Variants in EPM2A observed in about 807,000 individuals in gnomAD.
EPM2A encodes laforin.
EPM2A carries 21 observed loss-of-function variants against 26.5 expected under a neutral mutation model. The observed-to-expected ratio is 0.79, with a 90% CI of 0.56 to 1.14. The LOEUF is 1.14. EPM2A is among the 50% of genes most tolerant of loss of function. The pLI is 0.00. For synonymous variants in EPM2A, 217 were observed against 177.6 expected (o/e 1.22, Z -1.76); for missense variants, 458 against 440.8 (o/e 1.04, Z -0.35).
intron 4 of EPM2A, among the ~76,000 whole-genome samples, chr6:145,488,446 G>A (rs992113583): frequency 1.5e-4 from 22 of 151,506 alleles, no homozygotes; most frequent in Admixed American, 1.2e-3. Flanking sequence ...TCCTACCCAT[G>A]AGTATGGAAT....
chr6:145,719,715 A>T (rs56146116), intron 1 of EPM2A, among the ~76,000 whole-genome samples: 1 of 152,160 alleles, frequency 6.6e-6, no homozygotes, highest in Non-Finnish European at 1.5e-5. Context: ...CCCTCAACTA[A>T]AAATATCTCT....
At chr6:145,629,638 G>T (rs545734233) in intron 3 of EPM2A, 1 of 152,380 alleles carries the variant, frequency 6.6e-6, no homozygotes, top group South Asian at 2.1e-4. Flanking sequence ...GGGTATGAGG[G>T]GTTCACTCCA....
intron 2 of EPM2A, among the ~76,000 whole-genome samples, chr6:145,604,539 G>C (rs1461191346): frequency 6.6e-6 from 1 of 152,048 alleles, no homozygotes; most frequent in Non-Finnish European, 1.5e-5. Context: ...ACACAGAAAA[G>C]TATCTTGAAA....
intron 1 of EPM2A, among the ~76,000 whole-genome samples, chr6:145,692,026 T>C (rs1353471075): frequency 2.6e-5 from 4 of 151,972 alleles, no homozygotes; most frequent in Non-Finnish European, 4.4e-5. Flanking sequence ...AGTAAAAGCA[T>C]AGAAAAAGAT....
intron 1 of EPM2A, among the ~76,000 whole-genome samples, chr6:145,689,980 G>A (rs375796969): frequency 6.6e-6 from 1 of 152,028 alleles, no homozygotes; most frequent in Non-Finnish European, 1.5e-5. Flanking sequence ...CTTCCCACCC[G>A]ACCATCAGTG....
intron 2 of EPM2A, among the ~76,000 whole-genome samples, chr6:145,651,678 A>G (rs1562444350): frequency 6.6e-6 from 1 of 152,222 alleles, no homozygotes; most frequent in African/African-American, 2.4e-5. Flanking sequence ...GCTCATGAAT[A>G]TAAAATAACT....
At chr6:145,469,911 G>A (rs567394031) in intron 4 of EPM2A, among the ~76,000 whole-genome samples, 87 of 152,210 alleles carry the variant, frequency 5.7e-4, no homozygotes, top group African/African-American at 1.9e-3. Context: ...AAGTGATAAA[G>A]CCAGGCACAG....
chr6:145,396,470 A>C (rs1205973861), intron 4 of EPM2A, among the ~76,000 whole-genome samples: 1 of 152,214 alleles, frequency 6.6e-6, no homozygotes, highest in Non-Finnish European at 1.5e-5. Context: ...TTAGAGACCG[A>C]CTTTAACCTT....
Position 145,459,698 on chromosome 6 carries a change from G to GCATAC in EPM2A, c.555+42819_555+42823dup, listed in dbSNP as rs1779304330. ...CCTCTTTTACTATACACTTCTTTTA[G>GCATAC]CATACTATACTATACTATACTATAT... On this transcript the variant is annotated intron_variant, in intron 4 of 4. Transcript: ENST00000638717. Among the ~76,000 whole-genome samples the GCATAC allele has an allele frequency of 2.5e-5, 3 of 120,244 alleles. No individual in the cohort carries two copies. In the South Asian group the frequency reaches 7.6e-4, roughly 30 times the overall value. The allele number at this position is 120,244 out of a possible 152,430, so 78.9% of individuals were successfully genotyped here. A position where few individuals can be genotyped will look rare whatever the true frequency, so the allele number is the denominator to read the frequency against.
intron 4 of EPM2A, among the ~76,000 whole-genome samples, chr6:145,467,463 G>A (rs1779414234): frequency 6.6e-6 from 1 of 152,056 alleles, no homozygotes; most frequent in African/African-American, 2.4e-5. Flanking sequence ...GCCTCTTCCT[G>A]AACACCTGTT....
chr6:145,709,210 G>T (rs1185601048), intron 1 of EPM2A, among the ~76,000 whole-genome samples: 1 of 152,122 alleles, frequency 6.6e-6, no homozygotes. Flanking sequence ...TAAGACTTTG[G>T]GGGACTGTTG....
In EPM2A at chr6:145,416,910, C is replaced by A. The variant is rs372887440; in HGVS notation, c.556-32813G>T. On this transcript the variant is annotated intron_variant, in intron 4 of 4. Transcript: ENST00000638717. Reference sequence around the variant, plus strand: ...CATTATATTCCCAGAGTAAATATATCTTGTGAAAAGAAAGTTAAAATAATT... The same window carrying A: ...CATTATATTCCCAGAGTAAATATATATTGTGAAAAGAAAGTTAAAATAATT... Among the ~76,000 whole-genome samples the A allele has an allele frequency of 2.6e-5, 4 of 151,256 alleles. No individual in the cohort carries two copies. The East Asian group carries it at 7.8e-4, about 29-fold the overall frequency.
At chr6:145,438,505 GCT>G (rs1779018657) in intron 4 of EPM2A, among the ~76,000 whole-genome samples, 2 of 123,796 alleles carry the variant, frequency 1.6e-5, no homozygotes, top group South Asian at 2.6e-4. Context: ...ATGGAGTCTT[GCT>G]CTGTCACCCA....
intron 2 of EPM2A, among the ~76,000 whole-genome samples, chr6:145,548,428 C>T (rs1780613130): frequency 6.6e-6 from 1 of 152,112 alleles, no homozygotes; most frequent in Admixed American, 6.6e-5. Context: ...AAAGAATCTT[C>T]TCATTTTAGT....
chr6:145,421,401 T>A (rs1005335264), intron 4 of EPM2A, among the ~76,000 whole-genome samples: 1 of 152,134 alleles, frequency 6.6e-6, no homozygotes, highest in African/African-American at 2.4e-5. Flanking sequence ...TTCCTACCAT[T>A]ATGTTTATGC....
At chr6:145,481,657 C>T (rs1435082890) in intron 4 of EPM2A, among the ~76,000 whole-genome samples, 1 of 152,124 alleles carries the variant, frequency 6.6e-6, no homozygotes, top group Non-Finnish European at 1.5e-5. Context: ...CAGAACCACT[C>T]AGCCAAGCCG....
intron 4 of EPM2A, among the ~76,000 whole-genome samples, chr6:145,484,118 C>T (rs745522010): frequency 6.6e-6 from 1 of 152,078 alleles, no homozygotes; most frequent in African/African-American, 2.4e-5. Context: ...TGATCAGAAA[C>T]AGCTGAAAAT....
intron 2 of EPM2A, among the ~76,000 whole-genome samples, chr6:145,564,095 T>C (rs947144236): frequency 2.0e-5 from 3 of 152,138 alleles, no homozygotes; most frequent in African/African-American, 4.8e-5. Flanking sequence ...GTTGTTATGC[T>C]CCATTGTCAA....
chr6:145,562,819 GTGGAAAATGGTGATGAGAC>G (rs1266233957), intron 2 of EPM2A, among the ~76,000 whole-genome samples: 49 of 151,996 alleles, frequency 3.2e-4, no homozygotes, highest in African/African-American at 1.2e-3. Context: ...AGACTATGAT[GTGGAAAATGGTGATGAGAC>G]TGGAAAATGG....
Sources: allele counts gnomAD v4.1 joint callset (sites outside exome capture counted in the v4.1 genomes callset), GRCh38; gene constraint gnomAD v4.1.1; transcripts MANE v1.5; gene names NCBI Gene and HGNC (gene_info 2026-07-23, HGNC 2026-07-21).